Variants in ADGRF4 observed in about 807,000 individuals in gnomAD.
The protein encoded by ADGRF4 is G-protein coupled receptor PGR18.
A neutral mutation model predicts 58.5 loss-of-function variants in ADGRF4; 63 were observed. The ratio of observed to expected loss-of-function variants is 1.08; its 90% CI spans 0.88 to 1.33. The LOEUF is 1.33. Among genes scored for constraint, ADGRF4 ranks in the 40% most tolerant of loss-of-function variants. ADGRF4 has a pLI of 0.00. For missense variants in ADGRF4, 931 were observed against 843.9 expected, an observed-to-expected ratio of 1.10 and a Z score of -1.28; for synonymous variants, 313 against 295.4, an observed-to-expected ratio of 1.06 and a Z score of -0.61.
chr6:47,716,208 C>A (rs1350948561), intron 6 of ADGRF4, among the ~76,000 whole-genome samples: 1 of 151,668 alleles, frequency 6.6e-6, no homozygotes, highest in Non-Finnish European at 1.5e-5. Flanking sequence ...CCTTTCTCAG[C>A]AAGCTCTTCC....
intron 1 of ADGRF4, among the ~76,000 whole-genome samples, chr6:47,705,985 C>T (rs1771699516): frequency 6.6e-6 from 1 of 152,088 alleles, no homozygotes; most frequent in Admixed American, 6.5e-5. Context: ...ATGAGTGACA[C>T]TTGGTAAATG....
rs116833661 is a variant in ADGRF4, at chr6:47,700,071, A to C, written c.-17+1277A>C. 4.3e-3 allele frequency among the ~76,000 whole-genome samples: 660 copies of C among 152,264 alleles called. 3 individuals carry two copies. The highest frequency in any genetic ancestry group is 0.014 in the African/African-American group (575 of 41,554). ...AATTGCCACCTTGAAGACTGGCAAAAAAGTGAGAAGAGGCACTCCCTCTCA... is the reference window on the plus strand; with the variant it reads ...AATTGCCACCTTGAAGACTGGCAAACAAGTGAGAAGAGGCACTCCCTCTCA... On this transcript the variant is annotated intron_variant, in intron 1 of 9. Coordinates refer to ENST00000283303, the MANE Select transcript of ADGRF4 (RefSeq NM_153838.5).
intron 2 of ADGRF4, 84 bp from the exon 3 acceptor site, chr6:47,708,140 T>C: frequency 1.0e-6 from 1 of 986,318 alleles, no homozygotes; most frequent in South Asian, 1.4e-5. Context: ...CATTTTCTTT[T>C]CATATTCATA....
At position 47,710,845 on chromosome 6, in the gene ADGRF4, G is replaced by C. The variant is rs1195768620; in HGVS notation, c.259G>C (p.Ala87Pro). The C allele has an allele frequency of 6.2e-7, 1 of 1,613,982 alleles. No individual in the cohort carries two copies. Among genetic ancestry groups the C allele is most frequent in the Admixed American group, 1.7e-5 (1 of 60,000 alleles). The change falls in exon 4 of 10, where the codon GCT becomes CCT. Residue 87 changes from alanine (A) to proline (P), a missense_variant. By Grantham distance (27) the Ala-to-Pro change is conservative. Coordinates refer to ENST00000283303, the MANE Select transcript of ADGRF4 (RefSeq NM_153838.5). ...TCNQKKWQKSAETCTSLSVEK... is the reference protein window; with the variant it reads ...TCNQKKWQKSPETCTSLSVEK... ...TAATCAAAAAAAGTGGCAAAAATCAGCTGAAACATGTACAAGCCTTTCTGT... is the reference window on the plus strand; with the variant it reads ...TAATCAAAAAAAGTGGCAAAAATCACCTGAAACATGTACAAGCCTTTCTGT...
chr6:47,721,816 G>A lies in ADGRF4; in HGVS notation c.*611G>A, dbSNP rs1772170025. ...ATTATTTTAGTCTATTTTAGACCTT[G>A]AGTAAACTAATTTAGCTTCTAGGAT... On this transcript the variant is annotated 3_prime_UTR_variant, in exon 10 of 10. Transcript: ENST00000283303. 1 of 152,066 alleles carries A rather than the reference G, an allele frequency of 6.6e-6. No homozygotes were observed. Among genetic ancestry groups the A allele is most frequent in the Non-Finnish European group, 1.5e-5 (1 of 67,998 alleles). The allele number at this position is 152,066 out of a possible 1,614,324, so 9.4% of individuals were successfully genotyped here.
chr6:47,718,584 A>G, intron 9 of ADGRF4, 139 bp downstream of exon 9: 1 of 668,118 alleles, frequency 1.5e-6, no homozygotes, highest in Non-Finnish European at 2.8e-6. Flanking sequence ...TTTTCAAAGA[A>G]TGGAAACATC....
intron 5 of ADGRF4, among the ~76,000 whole-genome samples, chr6:47,713,042 A>G (rs373218260): frequency 3.3e-5 from 5 of 152,306 alleles, no homozygotes; most frequent in African/African-American, 9.6e-5. Context: ...CAGCTGCAGC[A>G]TTAGATTCTC....
Position 47,714,676 on chromosome 6 carries a change from A to G in ADGRF4, c.1431A>G (p.Thr477=). Residue 477 remains threonine, a synonymous_variant, in exon 6 of 10, where the codon ACA becomes ACG. Coordinates refer to ENST00000283303, the MANE Select transcript of ADGRF4 (RefSeq NM_153838.5). ...ACTACAACATGTGTGTTGCAGTGAC[A>G]TTTTTCAGCCACTTTTTCTACCTCT... The part of the protein sequence containing the change: ...AQDYNMCVAV[T]FFSHFFYLSL... The G allele has an allele frequency of 6.2e-7, 1 of 1,614,074 alleles. No individual in the cohort carries two copies. The highest frequency in any genetic ancestry group is 8.5e-7 in the Non-Finnish European group (1 of 1,180,014).
intron 5 of ADGRF4, 104 bp from the exon 6 acceptor site, chr6:47,713,694 A>G (rs1352283176): frequency 5.6e-6 from 5 of 892,168 alleles, no homozygotes; most frequent in Non-Finnish European, 8.2e-6. Flanking sequence ...AATATGCCAA[A>G]TAAGATTGGG....
At chr6:47,713,573 ATAATAAAGCAGGT>A (rs928130154) in intron 5 of ADGRF4, among the ~76,000 whole-genome samples, 3 of 152,186 alleles carry the variant, frequency 2.0e-5, no homozygotes, top group Non-Finnish European at 4.4e-5. Context: ...CCTGCGTGCA[ATAATAAAGCAGGT>A]AAACCTTAGC....
chr6:47,709,698 T>C (rs1771812110), intron 3 of ADGRF4, among the ~76,000 whole-genome samples: 2 of 152,240 alleles, frequency 1.3e-5, no homozygotes, highest in Admixed American at 6.5e-5. Context: ...AGTGCTTTTG[T>C]GGTCATTCAC....
At chr6:47,707,412 A>G in intron 2 of ADGRF4, 74 bp downstream of exon 2, 1 of 841,538 alleles carries the variant, frequency 1.2e-6, no homozygotes. Flanking sequence ...CTTCTGATAA[A>G]TAAGATGTCA....
rs759760806 is a variant in ADGRF4 at position 47,713,973 on chromosome 6, A to C, written c.728A>C (p.Lys243Thr). The stretch of plus-strand genomic sequence containing the variant: ...GTGAATGAACTCTTCATTCAGACAA[A>C]AGGGTTTCACATCAACCATAATACC... ...NIVNELFIQT[K>T]GFHINHNTSE... The change falls in exon 6 of 10, where the codon AAA becomes ACA. Residue 243 changes from lysine (K) to threonine (T), a missense_variant. Physicochemically the swap from Lys to Thr is moderately conservative, Grantham distance 78. Coordinates refer to ENST00000283303, the MANE Select transcript of ADGRF4 (RefSeq NM_153838.5). The C allele has an allele frequency of 5.0e-6, 8 of 1,605,414 alleles. No individual in the cohort carries two copies. In the East Asian group the frequency reaches 1.8e-4, roughly 36 times the overall value.
Position 47,713,794 on chromosome 6 carries a change from G to A in ADGRF4, c.553-4G>A. On this transcript the variant is annotated splice_polypyrimidine_tract_variant and splice_region_variant and intron_variant, in intron 5 of 9. Coordinates refer to ENST00000283303, the MANE Select transcript of ADGRF4 (RefSeq NM_153838.5). ...AGTATAATGTTCACCTTTCTCCATT[G>A]CAGAGCTATAGTGAAGTGGCCAACC... is the stretch of plus-strand genomic sequence containing the variant. 6.6e-7 allele frequency: 1 copy of A among 1,523,056 alleles called. No homozygotes were observed. Among genetic ancestry groups the A allele is most frequent in the South Asian group, 1.3e-5 (1 of 75,070 alleles). 94.3% of individuals were successfully genotyped at this position (1,523,056 alleles called of 1,614,324 possible).
At chr6:47,712,295 T>G in intron 4 of ADGRF4, 62 bp from the exon 5 acceptor site, 1 of 1,541,726 alleles carries the variant, frequency 6.5e-7, no homozygotes, top group Non-Finnish European at 8.9e-7. Context: ...TTTAACTCCT[T>G]TAGTCTGATA....
intron 6 of ADGRF4, 136 bp from the exon 7 acceptor site, chr6:47,716,670 A>G (rs567986776): frequency 6.8e-5 from 47 of 686,664 alleles, no homozygotes; most frequent in African/African-American, 6.8e-4. Flanking sequence ...GTGCATTTTT[A>G]TCTGCATTAG....
In ADGRF4 at chr6:47,714,348, T is replaced by C. The variant is rs1581697340; in HGVS notation, c.1103T>C (p.Leu368Ser). 6.2e-7 allele frequency: 1 copy of C among 1,614,032 alleles called. No individual in the cohort carries two copies. The highest frequency in any genetic ancestry group is 8.5e-7 in the Non-Finnish European group (1 of 1,180,022). ...RWDEKACQMM[L>S]DIRNEVKCRC... The stretch of plus-strand genomic sequence containing the variant: ...GATGAGAAAGCGTGCCAAATGATGT[T>C]GGATATCAGGAACGAAGTGAAATGC... Residue 368 changes from leucine (L) to serine (S), a missense_variant, in exon 6 of 10, where the codon TTG (leucine) becomes TCG (serine). By Grantham distance (145) the Leu-to-Ser change is moderately radical. Coordinates refer to ENST00000283303, the MANE Select transcript of ADGRF4 (RefSeq NM_153838.5).
intron 4 of ADGRF4, among the ~76,000 whole-genome samples, chr6:47,711,722 C>A (rs1771877615): frequency 6.6e-6 from 1 of 152,180 alleles, no homozygotes; most frequent in East Asian, 1.9e-4. Context: ...ACCTCCCCTG[C>A]AATCCCATGG....
At position 47,714,516 on chromosome 6, in the gene ADGRF4, C is replaced by T. The variant is rs1771956453; in HGVS notation, c.1271C>T (p.Ala424Val). ...TTGGTTCTTTGCCTGATCATTGAAGCCACAGTGTGGTCCCGGGTGGTTGTG... is the reference window on the plus strand; with the variant it reads ...TTGGTTCTTTGCCTGATCATTGAAGTCACAGTGTGGTCCCGGGTGGTTGTG... ...LSLVLCLIIE[A>V]TVWSRVVVTE... The change falls in exon 6 of 10, where the codon GCC (alanine) becomes GTC (valine). Residue 424 changes from alanine (A) to valine (V), a missense_variant. Transcript: ENST00000283303. 1.2e-6 allele frequency: 2 copies of T among 1,614,116 alleles called. No individual in the cohort carries two copies. Among genetic ancestry groups the T allele is most frequent in the African/African-American group, 1.3e-5 (1 of 75,034 alleles).
Sources: allele counts gnomAD v4.1 joint callset (sites outside exome capture counted in the v4.1 genomes callset), GRCh38; gene constraint gnomAD v4.1.1; transcripts MANE v1.5; gene names NCBI Gene and HGNC (gene_info 2026-07-23, HGNC 2026-07-21).